The following ANKRD62 variants were observed in gnomAD, a reference collection of about 807,000 sequenced individuals.
ANKRD62 encodes ankyrin repeat domain 62, also known as ankyrin repeat domain-containing protein 62.
A neutral mutation model predicts 98.8 loss-of-function variants in ANKRD62; 61 were observed. The observed-to-expected ratio is 0.62, with a 90% confidence interval of 0.50 to 0.76. The LOEUF is 0.76. Ranked by LOEUF, ANKRD62 falls within the 30% of genes least tolerant of loss-of-function variation. The probability of loss-of-function intolerance (pLI) is 0.00; values close to 1 mark genes in which losing one functional copy is unlikely to be tolerated. For missense variants in ANKRD62, 933 were observed against 1,082.9 expected (o/e 0.86, Z 1.94); for synonymous variants, 341 against 367.9 (o/e 0.93, Z 0.84).
chr18:12,120,386 C>T (rs1006166120), intron 10 of ANKRD62, among the ~76,000 whole-genome samples: 2 of 152,248 alleles, frequency 1.3e-5, no homozygotes, highest in Non-Finnish European at 2.9e-5. Flanking sequence ...ATCATTGTGA[C>T]GTGACCTTAT....
intron 10 of ANKRD62, among the ~76,000 whole-genome samples, chr18:12,119,263 CTCT>C (rs1463310884): frequency 6.6e-6 from 1 of 150,436 alleles, no homozygotes; most frequent in Non-Finnish European, 1.5e-5. Context: ...TTTGTATTTT[CTCT>C]TCTTCTTGAT....
At chr18:12,119,141 A>C (rs1004434281) in intron 10 of ANKRD62, among the ~76,000 whole-genome samples, 12 of 151,212 alleles carry the variant, frequency 7.9e-5, no homozygotes, top group African/African-American at 2.9e-4. Context: ...GAATTTGTTA[A>C]TTTTATCTAT....
chr18:12,101,779 T>C (rs1909304621), intron 6 of ANKRD62, among the ~76,000 whole-genome samples: 1 of 152,196 alleles, frequency 6.6e-6, no homozygotes, highest in South Asian at 2.1e-4. Flanking sequence ...CTCACCGCAA[T>C]ACAAAACTCA....
the ANKRD62 span, among the ~76,000 whole-genome samples, chr18:12,169,456 C>A: frequency 6.6e-6 from 1 of 151,962 alleles, no homozygotes; most frequent in East Asian, 1.9e-4. Flanking sequence ...GTATGTTGAA[C>A]CAGCCTTGCA....
intron 10 of ANKRD62, among the ~76,000 whole-genome samples, chr18:12,121,660 G>C (rs147879860): frequency 7.4e-4 from 112 of 152,238 alleles, no homozygotes; most frequent in Admixed American, 3.3e-3. Context: ...AGATTTTCTC[G>C]CTTTGTCATG....
chr18:12,103,745 CA>C (rs1909356795), intron 7 of ANKRD62, among the ~76,000 whole-genome samples: 1 of 152,064 alleles, frequency 6.6e-6, no homozygotes, highest in African/African-American at 2.4e-5. Flanking sequence ...TCAAGAGAAT[CA>C]GACCTTGCAA....
At chr18:12,163,388 T>A in the ANKRD62 span, among the ~76,000 whole-genome samples, 2 of 152,128 alleles carry the variant, frequency 1.3e-5, no homozygotes, top group Non-Finnish European at 2.9e-5. Context: ...TTGTCAGTTC[T>A]AATAGGTTTT....
chr18:12,177,741 A>G, the ANKRD62 span, among the ~76,000 whole-genome samples: 3 of 150,780 alleles, frequency 2.0e-5, no homozygotes, highest in Admixed American at 6.6e-5. Context: ...GGTGCTGGGG[A>G]TATAGGCAGG....
chr18:12,095,975 T>C (rs1230736312), intron 3 of ANKRD62, among the ~76,000 whole-genome samples: 1 of 152,228 alleles, frequency 6.6e-6, no homozygotes, highest in Non-Finnish European at 1.5e-5. Context: ...GTGAGGCATA[T>C]GTGCTCCAGT....
At chr18:12,125,042 A>G (rs1401450582) in intron 12 of ANKRD62, among the ~76,000 whole-genome samples, 2 of 152,204 alleles carry the variant, frequency 1.3e-5, no homozygotes, top group African/African-American at 2.4e-5. Context: ...GGAAAATTTT[A>G]TCTGTCCAGA....
At chr18:12,100,978 C>T (rs1334064401) in intron 6 of ANKRD62, among the ~76,000 whole-genome samples, 1 of 152,176 alleles carries the variant, frequency 6.6e-6, no homozygotes, top group Non-Finnish European at 1.5e-5. Flanking sequence ...AAGTAGGACA[C>T]ATGCTGTGCC....
At position 12,113,338 on chromosome 18, in the gene ANKRD62, A is replaced by G. The variant is rs991547861; in HGVS notation, c.1065-1750A>G. 2.6e-5 allele frequency among the ~76,000 whole-genome samples: 4 copies of G among 152,188 alleles called. No homozygotes were observed. In the South Asian group the frequency reaches 8.3e-4, roughly 32 times the overall value. ...CACCAGTAAGAATGGCTATTATTAAAAAGTCCAGGCTGGGCATGGTGGCTC... is the reference window on the plus strand; with the variant it reads ...CACCAGTAAGAATGGCTATTATTAAGAAGTCCAGGCTGGGCATGGTGGCTC... On this transcript the variant is annotated intron_variant, in intron 8 of 13. Coordinates refer to ENST00000587848, the MANE Select transcript of ANKRD62 (RefSeq NM_001277333.2).
chr18:12,124,072 A>G, intron 11 of ANKRD62, 65 bp from the exon 12 acceptor site: 2 of 800,370 alleles, frequency 2.5e-6, no homozygotes, highest in Middle Eastern at 2.4e-4. Flanking sequence ...CTTTATTAGG[A>G]TAATAAACCA....
At chr18:12,156,860 T>C in the ANKRD62 span, among the ~76,000 whole-genome samples, 1 of 152,234 alleles carries the variant, frequency 6.6e-6, no homozygotes, top group Admixed American at 6.5e-5. Flanking sequence ...TTTGTCTTCA[T>C]AGGGTAGAAA....
At chr18:12,102,122 C>CA in intron 6 of ANKRD62, 3 of 1,314,978 alleles carry the variant, frequency 2.3e-6, no homozygotes, top group South Asian at 1.2e-5. Context: ...AAGGCATCCC[C>CA]ATGAACATAG....
intron 10 of ANKRD62, among the ~76,000 whole-genome samples, chr18:12,119,611 C>G (rs1909742632): frequency 6.6e-6 from 1 of 152,176 alleles, no homozygotes; most frequent in African/African-American, 2.4e-5. Context: ...GGGCTTGGCT[C>G]TCATGATAAG....
intron 7 of ANKRD62, among the ~76,000 whole-genome samples, chr18:12,105,642 A>AT (rs1366245708): frequency 2.6e-5 from 4 of 152,002 alleles, no homozygotes; most frequent in South Asian, 2.1e-4. Context: ...GTGCATTCTA[A>AT]TTTTTTTTAC....
At chr18:12,097,984 C>T (rs1598729600) in intron 5 of ANKRD62, among the ~76,000 whole-genome samples, 1 of 152,172 alleles carries the variant, frequency 6.6e-6, no homozygotes, top group South Asian at 2.1e-4. Flanking sequence ...ACTCAAGTCT[C>T]TTAAGACTTC....
At chr18:12,100,092 T>G (rs1009390550) in intron 6 of ANKRD62, among the ~76,000 whole-genome samples, 3 of 152,288 alleles carry the variant, frequency 2.0e-5, no homozygotes, top group African/African-American at 7.2e-5. Context: ...TTGAGTAGTG[T>G]GGGATTTAGG....
Sources: gnomAD v4.1 joint callset for allele counts (sites outside exome capture counted in the v4.1 genomes callset) on GRCh38, gnomAD v4.1.1 for gene constraint, MANE v1.5 for transcripts, NCBI Gene and HGNC (gene_info 2026-07-23, HGNC 2026-07-21) for gene names.